MAGT1: variants seen among roughly 807,000 people sequenced by gnomAD.
The protein encoded by MAGT1 is dolichyl-diphosphooligosaccharide--protein glycosyltransferase subunit MAGT1.
Under a neutral mutation model 28.4 loss-of-function variants are expected in MAGT1, and 4 were observed. That is an observed-to-expected ratio of 0.14 (90% CI 0.07 to 0.32). The LOEUF (loss-of-function observed/expected upper bound fraction) is 0.32. MAGT1 is among the 10% of genes least tolerant of loss of function. The pLI, the probability that MAGT1 is intolerant of heterozygous loss-of-function variation, is 1.00. For synonymous variants in MAGT1, 89 were observed against 89.7 expected (o/e 0.99, Z 0.04); for missense variants, 193 against 264.5 (o/e 0.73, Z 1.88).
intron 3 of MAGT1, among the ~76,000 whole-genome samples, chrX:77,869,922 T>C (rs2077016428): frequency 9.0e-6 from 1 of 111,330 alleles, no homozygotes; most frequent in Non-Finnish European, 1.9e-5. Flanking sequence ...GGAAAAGAAG[T>C]CATTATATGA....
At chrX:77,891,388 T>C (rs1198616979) in intron 1 of MAGT1, among the ~76,000 whole-genome samples, 1 of 108,988 alleles carries the variant, frequency 9.2e-6, no homozygotes, top group South Asian at 4.0e-4. Flanking sequence ...TCTGGCTATG[T>C]TGTTCAGGCT....
At chrX:77,837,959 C>T (rs998605993) in intron 8 of MAGT1, among the ~76,000 whole-genome samples, 1 of 111,310 alleles carries the variant, frequency 9.0e-6, no homozygotes, top group Non-Finnish European at 1.9e-5. Context: ...AGGCTAGTCT[C>T]GAACTCCTGA....
chrX:77,877,812 CAAAAT>C (rs145687006), intron 1 of MAGT1, among the ~76,000 whole-genome samples: 4,717 of 34,945 alleles, frequency 0.13, 287 homozygotes, highest in African/African-American at 0.17. Flanking sequence ...GACTCTGTCT[CAAAAT>C]AAAATAAAAT....
chrX:77,883,448 A>T (rs2077058842), intron 1 of MAGT1, among the ~76,000 whole-genome samples: 1 of 109,522 alleles, frequency 9.1e-6, no homozygotes, highest in Non-Finnish European at 1.9e-5. Flanking sequence ...CAAGTAGAAG[A>T]AACTAGTTCA....
chrX:77,881,573 G>C (rs190307966), intron 1 of MAGT1, among the ~76,000 whole-genome samples: 44 of 109,903 alleles, frequency 4.0e-4, no homozygotes, highest in Admixed American at 3.1e-3. Context: ...CTTCATCCAT[G>C]TCCCTACAAA....
At chrX:77,883,601 T>TAGGCTGG (rs1184208502) in intron 1 of MAGT1, among the ~76,000 whole-genome samples, 3 of 94,744 alleles carry the variant, frequency 3.2e-5, no homozygotes, top group African/African-American at 1.2e-4. Flanking sequence ...CTCTGTTGCC[T>TAGGCTGG]AGGCTGGAGT....
intron 5 of MAGT1, chrX:77,856,441 GAAA>G: frequency 5.9e-6 from 1 of 169,078 alleles, no homozygotes. Context: ...CCGCCTCAAA[GAAA>G]AAAAAAAAAG....
chrX:77,830,519 G>A (rs1490498288), intron 9 of MAGT1, among the ~76,000 whole-genome samples: 3 of 110,745 alleles, frequency 2.7e-5, no homozygotes, highest in Non-Finnish European at 3.8e-5. Context: ...GGAGGCTGAG[G>A]CAGGAGAATC....
intron 7 of MAGT1, among the ~76,000 whole-genome samples, chrX:77,851,634 A>G (rs2076968740): frequency 1.8e-5 from 2 of 110,870 alleles, no homozygotes; most frequent in Non-Finnish European, 3.8e-5. Context: ...TCAGCCTCCC[A>G]AAGTGCTGGG....
intron 7 of MAGT1, among the ~76,000 whole-genome samples, chrX:77,852,519 T>G (rs1557215612): frequency 8.9e-6 from 1 of 112,159 alleles, no homozygotes; most frequent in African/African-American, 3.2e-5. Flanking sequence ...TTCTTTATAC[T>G]TATTTGTATT....
intron 1 of MAGT1, among the ~76,000 whole-genome samples, chrX:77,881,268 A>G (rs2077051496): frequency 9.0e-6 from 1 of 110,939 alleles, no homozygotes; most frequent in South Asian, 3.7e-4. Context: ...TTTTTTTTAT[A>G]TATAGATATT....
chrX:77,843,474 A>G (rs1425795464), intron 7 of MAGT1, among the ~76,000 whole-genome samples: 1 of 110,601 alleles, frequency 9.0e-6, no homozygotes, highest in Non-Finnish European at 1.9e-5. Context: ...GGACTCAAGC[A>G]ATTCTCCAGC....
intron 3 of MAGT1, among the ~76,000 whole-genome samples, chrX:77,870,210 A>G (rs1228579504): frequency 9.0e-6 from 1 of 110,878 alleles, no homozygotes; most frequent in African/African-American, 3.3e-5. Flanking sequence ...TGAGGATGCA[A>G]AGGCATAAGA....
At chrX:77,863,647 C>A (rs921803231) in intron 3 of MAGT1, among the ~76,000 whole-genome samples, 1 of 112,302 alleles carries the variant, frequency 8.9e-6, no homozygotes, top group Admixed American at 9.5e-5. Flanking sequence ...ATACCTGCAC[C>A]CCCATGTTTA....
intron 1 of MAGT1, among the ~76,000 whole-genome samples, chrX:77,879,844 T>TTG (rs1324569191): frequency 1.0e-5 from 1 of 100,290 alleles, no homozygotes; most frequent in East Asian, 3.1e-4. Flanking sequence ...CCTTTTTTTT[T>TTG]TTTTTTTTTT....
chrX:77,832,748 G>A (rs1003199567), intron 8 of MAGT1, among the ~76,000 whole-genome samples: 12 of 99,252 alleles, frequency 1.2e-4, no homozygotes, highest in African/African-American at 3.8e-4. Flanking sequence ...CAGGATAATC[G>A]CTTGGCAAAG....
chrX:77,859,080 C>T (rs2076988294), intron 3 of MAGT1, among the ~76,000 whole-genome samples: 1 of 108,469 alleles, frequency 9.2e-6, no homozygotes, highest in Non-Finnish European at 1.9e-5. Flanking sequence ...TGACGGTGGG[C>T]ACCTGTAATC....
chrX:77,861,914 G>A (rs1557216505), intron 3 of MAGT1, among the ~76,000 whole-genome samples: 2 of 111,533 alleles, frequency 1.8e-5, no homozygotes. Context: ...GGGAACTGAA[G>A]TTGTTTAATG....
intron 7 of MAGT1, among the ~76,000 whole-genome samples, chrX:77,842,745 T>C (rs1438641413): frequency 6.3e-5 from 7 of 110,285 alleles, no homozygotes; most frequent in African/African-American, 2.3e-4. Context: ...GATAATCACT[T>C]GAACCCGGGA....
Sources: gnomAD v4.1 joint callset for allele counts (sites outside exome capture counted in the v4.1 genomes callset) on GRCh38, gnomAD v4.1.1 for gene constraint, MANE v1.5 for transcripts, NCBI Gene and HGNC (gene_info 2026-07-23, HGNC 2026-07-21) for gene names.